The following JAZF1 variants were observed in gnomAD, a reference collection of about 807,000 sequenced individuals.
JAZF1 encodes the protein juxtaposed with another zinc finger protein 1.
In JAZF1, 8 loss-of-function variants were observed where a neutral mutation model predicts 26.4. The ratio of observed to expected loss-of-function variants is 0.30; its 90% confidence interval spans 0.18 to 0.55. The LOEUF (loss-of-function observed/expected upper bound fraction) is 0.55, where lower values mean the gene tolerates loss of function less well. Among genes scored for constraint, JAZF1 ranks in the 20% least tolerant of loss-of-function variants. JAZF1 has a pLI of 0.94. For missense variants in JAZF1, 199 were observed against 322.0 expected (o/e 0.62, Z 2.92); for synonymous variants, 126 against 122.3 (o/e 1.03, Z -0.20).
chr7:27,990,226 T>C (rs1334534423), intron 2 of JAZF1, among the ~76,000 whole-genome samples: 1 of 152,058 alleles, frequency 6.6e-6, no homozygotes, highest in Non-Finnish European at 1.5e-5. Flanking sequence ...TAGGTGGGAA[T>C]TGAACAATGA....
chr7:28,123,909 A>C (rs1782648512), intron 1 of JAZF1, among the ~76,000 whole-genome samples: 1 of 151,910 alleles, frequency 6.6e-6, no homozygotes, highest in South Asian at 2.1e-4. Flanking sequence ...CAACCAAGAA[A>C]CCCCATTTCC....
At chr7:28,007,881 C>T (rs773130227) in intron 1 of JAZF1, among the ~76,000 whole-genome samples, 1 of 152,156 alleles carries the variant, frequency 6.6e-6, no homozygotes, top group Non-Finnish European at 1.5e-5. Context: ...CTAGCATTCC[C>T]CACTAGAGTT....
intron 1 of JAZF1, among the ~76,000 whole-genome samples, chr7:28,063,290 T>C (rs763683441): frequency 1.6e-4 from 24 of 152,218 alleles, no homozygotes; most frequent in Non-Finnish European, 5.9e-5. Context: ...AACTAAGGTA[T>C]TAAAAAGTGC....
chr7:28,119,131 C>T (rs974510655), intron 1 of JAZF1, among the ~76,000 whole-genome samples: 5 of 152,092 alleles, frequency 3.3e-5, no homozygotes, highest in African/African-American at 7.2e-5. Flanking sequence ...AGGCAGCCCC[C>T]GGTCTCCCTA....
intron 2 of JAZF1, among the ~76,000 whole-genome samples, chr7:27,928,595 C>T (rs569504278): frequency 1.3e-5 from 2 of 152,278 alleles, no homozygotes; most frequent in South Asian, 2.1e-4. Flanking sequence ...TGTGCAAGTA[C>T]CCTTCTTAAA....
At chr7:27,865,074 A>T (rs1183498349) in intron 3 of JAZF1, among the ~76,000 whole-genome samples, 1 of 152,292 alleles carries the variant, frequency 6.6e-6, no homozygotes, top group Non-Finnish European at 1.5e-5. Context: ...TCAGAGTATA[A>T]GGTGTGTTCA....
chr7:27,884,160 G>GT (rs1035876388), intron 3 of JAZF1, among the ~76,000 whole-genome samples: 6 of 152,102 alleles, frequency 3.9e-5, no homozygotes, highest in African/African-American at 1.4e-4. Flanking sequence ...GTGCATGCTT[G>GT]TTTTTTTCTG....
chr7:27,998,341 T>C lies in JAZF1; in HGVS notation c.116-6360A>G, dbSNP rs1457896571. Reference sequence around the variant, plus strand: ...CTTTCTTAAAAGCCCCATAGTTCTGTCGGCTGCAACTTTTACCCCACTTTG... The same window carrying C: ...CTTTCTTAAAAGCCCCATAGTTCTGCCGGCTGCAACTTTTACCCCACTTTG... On this transcript the variant is annotated intron_variant, in intron 1 of 4. Transcript: ENST00000283928. Among the ~76,000 whole-genome samples the C allele has an allele frequency of 3.3e-5, 5 of 152,202 alleles. No individual in the cohort carries two copies. The East Asian group carries it at 9.6e-4, about 29-fold the overall frequency.
In JAZF1 at chr7:28,121,608, A is replaced by G. The variant is rs148705425; in HGVS notation, c.115+58855T>C. Reference sequence around the variant, plus strand: ...TCACTGAAATGACAACTGGTGCTCAATACTGTTTCCTGGATCCCCTAATAA... The same window carrying G: ...TCACTGAAATGACAACTGGTGCTCAGTACTGTTTCCTGGATCCCCTAATAA... On this transcript the variant is annotated intron_variant, in intron 1 of 4. Transcript: ENST00000283928. Among the ~76,000 whole-genome samples the G allele has an allele frequency of 2.3e-3, 346 of 152,356 alleles. 4 individuals carry two copies. The highest frequency in any genetic ancestry group is 8.1e-3 in the African/African-American group (338 of 41,580).
At chr7:27,839,241 GC>G (rs1206014267) in intron 4 of JAZF1, among the ~76,000 whole-genome samples, 1 of 152,156 alleles carries the variant, frequency 6.6e-6, no homozygotes, top group Non-Finnish European at 1.5e-5. Context: ...TGGCCGAGGT[GC>G]AAGACACCCC....
intron 2 of JAZF1, among the ~76,000 whole-genome samples, chr7:27,905,318 C>T (rs956033268): frequency 1.7e-5 from 2 of 115,242 alleles, no homozygotes; most frequent in South Asian, 2.9e-4. Flanking sequence ...GGATATAGTT[C>T]CCGGTCTTTG....
intron 1 of JAZF1, among the ~76,000 whole-genome samples, chr7:28,077,422 C>T (rs986241198): frequency 1.3e-5 from 2 of 151,982 alleles, no homozygotes; most frequent in African/African-American, 2.4e-5. Context: ...CTATTTTTCA[C>T]GTATTGATTA....
intron 3 of JAZF1, among the ~76,000 whole-genome samples, chr7:27,861,882 T>G (rs1287845829): frequency 6.6e-6 from 1 of 152,168 alleles, no homozygotes; most frequent in African/African-American, 2.4e-5. Flanking sequence ...GTGGTGTGAG[T>G]GGCTGTGGGT....
intron 1 of JAZF1, among the ~76,000 whole-genome samples, chr7:28,012,156 TATAACTGAACTACTTGGTCAGCTAA>T (rs1782809962): frequency 6.6e-6 from 1 of 152,170 alleles, no homozygotes; most frequent in African/African-American, 2.4e-5. Context: ...ATAATATAAT[TATAACTGAACTACTTGGTCAGCTAA>T]ATCACAACCA....
intron 1 of JAZF1, among the ~76,000 whole-genome samples, chr7:28,095,771 T>C (rs1316501308): frequency 6.6e-6 from 1 of 152,176 alleles, no homozygotes; most frequent in East Asian, 1.9e-4. Context: ...TAGGCTGCCA[T>C]AACAGAATAC....
intron 4 of JAZF1, among the ~76,000 whole-genome samples, chr7:27,833,617 C>T (rs964003298): frequency 6.6e-6 from 1 of 152,218 alleles, no homozygotes; most frequent in Non-Finnish European, 1.5e-5. Context: ...TGTAGTCAGA[C>T]TAGTCCTTAC....
chr7:28,020,279 G>A (rs777642411), intron 1 of JAZF1, among the ~76,000 whole-genome samples: 53 of 152,304 alleles, frequency 3.5e-4, no homozygotes, highest in Middle Eastern at 3.4e-3. Flanking sequence ...TTCCTAAGGT[G>A]ACTTGGGACA....
At chr7:27,894,774 C>T (rs1784030904) in intron 3 of JAZF1, among the ~76,000 whole-genome samples, 1 of 152,280 alleles carries the variant, frequency 6.6e-6, no homozygotes, top group South Asian at 2.1e-4. Context: ...GTTGTAAAAA[C>T]AATGAAGTCT....
rs377117266 is a variant in JAZF1 at position 27,908,854 on chromosome 7, A to G, written c.189-13438T>C. On this transcript the variant is annotated intron_variant, in intron 2 of 4. Coordinates refer to ENST00000283928, the MANE Select transcript of JAZF1 (RefSeq NM_175061.4). The stretch of plus-strand genomic sequence containing the variant: ...AAATGAGGTGTTGCCTGATTCGAGA[A>G]TCACAAATAAAAATCAAGTGAAGTC... 7.9e-5 allele frequency among the ~76,000 whole-genome samples: 12 copies of G among 152,380 alleles called. No homozygotes were observed. In the South Asian group the frequency reaches 1.7e-3, roughly 21 times the overall value.
Sources: allele counts gnomAD v4.1 joint callset (sites outside exome capture counted in the v4.1 genomes callset), GRCh38; gene constraint gnomAD v4.1.1; transcripts MANE v1.5; gene names NCBI Gene and HGNC (gene_info 2026-07-23, HGNC 2026-07-21).